RPL7L1: variants seen among roughly 807,000 people sequenced by gnomAD.
The protein encoded by RPL7L1 is ribosomal protein uL30-like.
In RPL7L1, 20 loss-of-function variants were observed where a neutral mutation model predicts 30.3. The observed-to-expected ratio is 0.66, with a 90% CI of 0.46 to 0.96. RPL7L1 has a LOEUF of 0.96. RPL7L1 is among the 40% of genes least tolerant of loss of function. The pLI is 0.00. For missense variants in RPL7L1, 271 were observed against 314.9 expected (o/e 0.86, Z 1.05); for synonymous variants, 107 against 110.1 (o/e 0.97, Z 0.18).
chr6:42,881,166 T>C, intron 2 of RPL7L1, 200 bp downstream of exon 2: 1 of 461,576 alleles, frequency 2.2e-6, no homozygotes. Flanking sequence ...AAGTCCCTTA[T>C]ATAAAATGGT....
rs1476381362 is a variant in RPL7L1 at position 42,887,617 on chromosome 6, C to G, written c.*1153C>G. On this transcript the variant is annotated 3_prime_UTR_variant, in exon 6 of 6. Transcript: ENST00000493763. ...AAAAGACAGTAGCATATGTTCATGT[C>G]AAGCACCTCTCATCACAGTCGAGTT... The G allele has an allele frequency of 6.6e-6, 1 of 152,280 alleles. No homozygotes were observed. Among genetic ancestry groups the G allele is most frequent in the Non-Finnish European group, 1.5e-5 (1 of 68,106 alleles). 9.4% of individuals were successfully genotyped at this position (152,280 alleles called of 1,614,324 possible). A position where few individuals can be genotyped will look rare whatever the true frequency, so the allele number is the denominator to read the frequency against.
rs1251381868 is a variant in RPL7L1, at chr6:42,887,268, A to C, written c.*804A>C. 6.6e-6 allele frequency: 1 copy of C among 152,040 alleles called. No individual in the cohort carries two copies. The highest frequency in any genetic ancestry group is 1.5e-5 in the Non-Finnish European group (1 of 68,022). The allele number at this position is 152,040 out of a possible 1,614,324, so 9.4% of individuals were successfully genotyped here. A position where few individuals can be genotyped will look rare whatever the true frequency, so the allele number is the denominator to read the frequency against. The stretch of plus-strand genomic sequence containing the variant: ...AGATTATTTCCTGCTTTATCTTCAG[A>C]AACTGGAAAGGGTCAAAGAAAAGAC... On this transcript the variant is annotated 3_prime_UTR_variant, in exon 6 of 6. Coordinates refer to ENST00000493763, the MANE Select transcript of RPL7L1 (RefSeq NM_001366481.3).
rs1766151277 is a variant in RPL7L1, at chr6:42,883,442, T to C, written c.148-9T>C. The C allele has an allele frequency of 6.4e-7, 1 of 1,567,914 alleles. No individual in the cohort carries two copies. The highest frequency in any genetic ancestry group is 8.6e-7 in the Non-Finnish European group (1 of 1,160,942). On this transcript the variant is annotated splice_polypyrimidine_tract_variant and intron_variant, in intron 2 of 5. Transcript: ENST00000493763. ...ACAAGATGATGATGATGGTCTGTCT[T>C]CTCTGTAGCAGAAGAAAGGAAAAGG... is the stretch of plus-strand genomic sequence containing the variant.
chr6:42,883,426 T>C, intron 2 of RPL7L1, 25 bp from the exon 3 acceptor site: 1 of 1,529,760 alleles, frequency 6.5e-7, no homozygotes. Flanking sequence ...CACAAGATGA[T>C]GATGATGGTC....
At chr6:42,881,375 G>A (rs951554672) in intron 2 of RPL7L1, 1 of 153,806 alleles carries the variant, frequency 6.5e-6, no homozygotes, top group African/African-American at 2.4e-5. Context: ...CGAGGCAGGA[G>A]AATGGCGTGA....
intron 3 of RPL7L1, 22 bp from the exon 4 acceptor site, chr6:42,884,591 C>T: frequency 6.2e-7 from 1 of 1,608,818 alleles, no homozygotes; most frequent in Non-Finnish European, 8.5e-7. Context: ...GTCTGTCTGA[C>T]TTCTGTTGCT....
At chr6:42,880,258 T>C (rs1340840454) in intron 1 of RPL7L1, among the ~76,000 whole-genome samples, 1 of 152,160 alleles carries the variant, frequency 6.6e-6, no homozygotes, top group Non-Finnish European at 1.5e-5. Context: ...CCCCATAGAT[T>C]CGTCGCTGCT....
At chr6:42,880,574 G>T in intron 1 of RPL7L1, 2 of 306,866 alleles carry the variant, frequency 6.5e-6, no homozygotes, top group South Asian at 3.4e-5. Context: ...GCGCAGTGTC[G>T]GGATCTCGGC....
rs1245062399 is a variant in RPL7L1, at chr6:42,880,948, A to G, written c.129A>G (p.Ala43=). ...QALKATQAKQ[A]LLAKKEQKKG... ...TCAAAGCCACCCAGGCAAAGCAGGC[A>G]CTTTTGGCAAAGAAGGAGGTAATGG... is the stretch of plus-strand genomic sequence containing the variant. Residue 43 remains alanine (A), a synonymous_variant, in exon 2 of 6, where the codon GCA becomes GCG. Transcript: ENST00000493763. The G allele has an allele frequency of 2.5e-6, 4 of 1,579,796 alleles. No individual in the cohort carries two copies. In the East Asian group the frequency reaches 8.9e-5, roughly 35 times the overall value.
chr6:42,881,106 TA>T, intron 2 of RPL7L1, 140 bp downstream of exon 2: 1 of 614,046 alleles, frequency 1.6e-6, no homozygotes. Flanking sequence ...TCAGTGTCCT[TA>T]AGGGGTTGGT....
intron 3 of RPL7L1, chr6:42,883,884 G>A (rs930569949): frequency 3.3e-5 from 7 of 212,268 alleles, no homozygotes; most frequent in Non-Finnish European, 3.7e-5. Flanking sequence ...CCTGAAAGAT[G>A]TGAAAGGCGT....
chr6:42,880,126 G>T (rs1177542784), intron 1 of RPL7L1, among the ~76,000 whole-genome samples, 175 bp downstream of exon 1: 1 of 152,092 alleles, frequency 6.6e-6, no homozygotes, highest in Non-Finnish European at 1.5e-5. Context: ...AGGGGACCGC[G>T]GTCAAGTTCG....
At chr6:42,881,195 G>A in intron 2 of RPL7L1, 1 of 338,278 alleles carries the variant, frequency 3.0e-6, no homozygotes, top group Non-Finnish European at 5.4e-6. Flanking sequence ...GCCGGGCGCG[G>A]TGGCTCACGC....
rs897260466 is a variant in RPL7L1 at position 42,889,283 on chromosome 6, A to G, written c.*2819A>G. ...TGGAGAAATTCTGTCCCTACTGAAAATACAAAATTAGCCGGATGTGGTGGT... is the reference window on the plus strand; with the variant it reads ...TGGAGAAATTCTGTCCCTACTGAAAGTACAAAATTAGCCGGATGTGGTGGT... On this transcript the variant is annotated 3_prime_UTR_variant, in exon 6 of 6. Coordinates refer to ENST00000493763, the MANE Select transcript of RPL7L1 (RefSeq NM_001366481.3). 8 of 152,116 alleles carry G rather than the reference A, an allele frequency of 5.3e-5. No individual in the cohort carries two copies. Among genetic ancestry groups the G allele is most frequent in the African/African-American group, 1.9e-4 (8 of 41,390 alleles). The allele number at this position is 152,116 out of a possible 1,614,324, so 9.4% of individuals were successfully genotyped here.
intron 4 of RPL7L1, 75 bp from the exon 5 acceptor site, chr6:42,885,899 C>T: frequency 1.4e-6 from 1 of 701,112 alleles, no homozygotes; most frequent in Non-Finnish European, 2.5e-6. Flanking sequence ...CCTCTCCAAC[C>T]TCTCAGCCAG....
In RPL7L1 at chr6:42,883,465, A is replaced by G. The variant is rs62416296; in HGVS notation, c.162A>G (p.Lys54=). 3.5e-3 allele frequency: 5,464 copies of G among 1,581,816 alleles called. 14 individuals are homozygous for G. Among genetic ancestry groups the G allele is most frequent in the Non-Finnish European group, 4.3e-3 (5,048 of 1,166,990 alleles). The part of the protein sequence containing the change: ...LLAKKEQKKG[K]GLRFKRLESF... ...CTTCTCTGTAGCAGAAGAAAGGAAA[A>G]GGGCTCAGGTTTAAGCGACTGGAAT... Residue 54 remains lysine, a synonymous_variant, in exon 3 of 6, where the codon AAA becomes AAG. Transcript: ENST00000493763.
intron 4 of RPL7L1, among the ~76,000 whole-genome samples, chr6:42,885,397 A>C (rs763451798): frequency 2.7e-4 from 41 of 151,480 alleles, no homozygotes; most frequent in Non-Finnish European, 5.6e-4. Flanking sequence ...CCTGGCTAAC[A>C]TGGTGAAACC....
rs1162254980 is a variant in RPL7L1 at position 42,888,483 on chromosome 6, C to G, written c.*2019C>G. On this transcript the variant is annotated 3_prime_UTR_variant, in exon 6 of 6. Coordinates refer to ENST00000493763, the MANE Select transcript of RPL7L1 (RefSeq NM_001366481.3). ...CTTGTGTACCTTATGTGAGGAAGTC[C>G]TGCTCAATCAGGATCGGTCACGCAG... 1 of 152,194 alleles carries G rather than the reference C, an allele frequency of 6.6e-6. No individual in the cohort carries two copies. The highest frequency in any genetic ancestry group is 1.5e-5 in the Non-Finnish European group (1 of 68,046). 9.4% of individuals were successfully genotyped at this position (152,194 alleles called of 1,614,324 possible). A position where few individuals can be genotyped will look rare whatever the true frequency, so the allele number is the denominator to read the frequency against.
rs1045858657 is a variant in RPL7L1, at chr6:42,887,521, T to G, written c.*1057T>G. ...TCGCTTGAACCTGGGAGGTGGAAGT[T>G]GCAGTGAGCTGAGATCACGCCATTG... On this transcript the variant is annotated 3_prime_UTR_variant, in exon 6 of 6. Transcript: ENST00000493763. 2 of 151,790 alleles carry G rather than the reference T, an allele frequency of 1.3e-5. No homozygotes were observed. The highest frequency in any genetic ancestry group is 4.8e-5 in the African/African-American group (2 of 41,306). 9.4% of individuals were successfully genotyped at this position (151,790 alleles called of 1,614,324 possible).
Sources: gnomAD v4.1 joint callset for allele counts (sites outside exome capture counted in the v4.1 genomes callset) on GRCh38, gnomAD v4.1.1 for gene constraint, MANE v1.5 for transcripts, NCBI Gene and HGNC (gene_info 2026-07-23, HGNC 2026-07-21) for gene names.